CLIC5: variants seen among roughly 807,000 people sequenced by gnomAD.
The protein encoded by CLIC5 is chloride intracellular channel protein 5.
In CLIC5, 20 loss-of-function variants were observed where a neutral mutation model predicts 24.7. The observed-to-expected ratio is 0.81, with a 90% confidence interval of 0.57 to 1.18. The LOEUF is 1.18. Ranked by LOEUF, CLIC5 falls within the 50% of genes most tolerant of loss-of-function variation. CLIC5 has a pLI of 0.00. For synonymous variants in CLIC5, 159 were observed against 135.6 expected (o/e 1.17, Z -1.20); for missense variants, 341 against 326.1 (o/e 1.05, Z -0.35).
At chr6:46,024,290 G>A (rs1767268249) in intron 1 of CLIC5, among the ~76,000 whole-genome samples, 1 of 152,130 alleles carries the variant, frequency 6.6e-6, no homozygotes, top group South Asian at 2.1e-4. Context: ...AAAGCCTTAA[G>A]GATGGTCAGG....
intron 1 of CLIC5, among the ~76,000 whole-genome samples, chr6:45,974,177 A>C (rs1765299228): frequency 6.6e-6 from 1 of 151,920 alleles, no homozygotes; most frequent in African/African-American, 2.4e-5. Flanking sequence ...TTTTATATAT[A>C]AAACCACCAG....
intron 1 of CLIC5, among the ~76,000 whole-genome samples, chr6:46,041,788 T>TA (rs1226658475): frequency 1.8e-4 from 27 of 152,324 alleles, no homozygotes; most frequent in African/African-American, 6.3e-4. Context: ...CAATAGCAAC[T>TA]AACTTGTTGG....
the CLIC5 span, among the ~76,000 whole-genome samples, chr6:46,098,496 A>G: frequency 6.6e-6 from 1 of 152,232 alleles, no homozygotes; most frequent in Non-Finnish European, 1.5e-5. Context: ...CTTAGGGCAG[A>G]CAACAAAATA....
At chr6:45,938,129 A>G (rs1764004028) in intron 4 of CLIC5, among the ~76,000 whole-genome samples, 1 of 152,198 alleles carries the variant, frequency 6.6e-6, no homozygotes, top group African/African-American at 2.4e-5. Context: ...AGAGGGAAAA[A>G]AATGGCAAAG....
chr6:46,015,733 T>A lies in CLIC5; in HGVS notation c.-191A>T. 1 of 1,240,594 alleles carries A rather than the reference T, an allele frequency of 8.1e-7. No individual in the cohort carries two copies. The highest frequency in any genetic ancestry group is 1.0e-6 in the Non-Finnish European group (1 of 991,994). 76.8% of individuals were successfully genotyped at this position (1,240,594 alleles called of 1,614,324 possible). ...GAGATCAGTGTCCCAGATGCTCACATGAAAAGGAGCGAAGCCGGGAGGAGG... is the reference window on the plus strand; with the variant it reads ...GAGATCAGTGTCCCAGATGCTCACAAGAAAAGGAGCGAAGCCGGGAGGAGG... On this transcript the variant is annotated 5_prime_UTR_variant, in exon 1 of 6. An upstream start codon of the reference 5' UTR is lost. Transcript: ENST00000339561.
chr6:45,905,240 T>C (rs1412496949), intron 5 of CLIC5, among the ~76,000 whole-genome samples: 4 of 152,254 alleles, frequency 2.6e-5, no homozygotes, highest in Non-Finnish European at 5.9e-5. Context: ...TTTGGATATA[T>C]AACCAGTAAT....
upstream of CLIC5, among the ~76,000 whole-genome samples, chr6:46,020,298 G>A (rs1767140089): frequency 6.6e-6 from 1 of 152,074 alleles, no homozygotes; most frequent in Non-Finnish European, 1.5e-5. Flanking sequence ...CAGTTATTTG[G>A]AAATTAAGCA....
chr6:45,914,621 A>G, intron 4 of CLIC5: 1 of 916,032 alleles, frequency 1.1e-6, no homozygotes, highest in Non-Finnish European at 1.4e-6. Flanking sequence ...CAAACAATAA[A>G]CACTAGCTAA....
In CLIC5 at chr6:45,940,804, G is replaced by A. The variant is rs1282063480; in HGVS notation, c.406+743C>T. Among the ~76,000 whole-genome samples the A allele has an allele frequency of 5.3e-5, 8 of 152,298 alleles. No homozygotes were observed. The South Asian group carries it at 1.0e-3, about 20-fold the overall frequency. ...GCCTGTTCCTCCTGGGCCTAACACC[G>A]TTCTTCAAGTGTTATACCTGCTTAA... On this transcript the variant is annotated intron_variant, in intron 4 of 5. Coordinates refer to ENST00000339561, the MANE Select transcript of CLIC5 (RefSeq NM_016929.5).
chr6:45,906,114 C>A (rs140210122), intron 5 of CLIC5, among the ~76,000 whole-genome samples: 1 of 152,206 alleles, frequency 6.6e-6, no homozygotes, highest in African/African-American at 2.4e-5. Flanking sequence ...GTTACTGTAG[C>A]CTTATAGTGC....
rs111401736 is a variant in CLIC5 at position 46,071,654 on chromosome 6, C to T, written c.540+8049G>A. On this transcript the variant is annotated intron_variant, in intron 1 of 5. Coordinates refer to the CLIC5 transcript ENST00000185206. ...TTGATTAGAGTGTAAGTTAGTTCAGCCTTTGTGGAAAGCAGTGTGGTGGTG... is the reference window on the plus strand; with the variant it reads ...TTGATTAGAGTGTAAGTTAGTTCAGTCTTTGTGGAAAGCAGTGTGGTGGTG... 1.4e-4 allele frequency among the ~76,000 whole-genome samples: 22 copies of T among 152,174 alleles called. No homozygotes were observed. In the Middle Eastern group the frequency reaches 0.01, roughly 71 times the overall value.
chr6:46,069,839 C>A (rs1229270785), intron 1 of CLIC5, among the ~76,000 whole-genome samples: 1 of 152,166 alleles, frequency 6.6e-6, no homozygotes, highest in African/African-American at 2.4e-5. Flanking sequence ...TACTGGCAAA[C>A]TGAATTCAGC....
intron 4 of CLIC5, among the ~76,000 whole-genome samples, chr6:45,936,133 T>A (rs929801628): frequency 6.6e-6 from 1 of 151,198 alleles, no homozygotes; most frequent in Non-Finnish European, 1.5e-5. Flanking sequence ...TGCATTTTTA[T>A]ACCAGAACTC....
intron 5 of CLIC5, among the ~76,000 whole-genome samples, chr6:45,907,114 A>T (rs1762682780): frequency 1.3e-5 from 2 of 152,034 alleles, no homozygotes; most frequent in African/African-American, 4.8e-5. Flanking sequence ...TTTCAAGGGG[A>T]ATTATCCCAG....
At chr6:46,074,200 A>T (rs181129226) in intron 1 of CLIC5, among the ~76,000 whole-genome samples, 4 of 152,372 alleles carry the variant, frequency 2.6e-5, no homozygotes, top group Admixed American at 2.6e-4. Context: ...CACTGTGCTC[A>T]TTGTAAAATA....
intron 1 of CLIC5, among the ~76,000 whole-genome samples, chr6:46,039,711 C>T (rs904790974): frequency 1.1e-4 from 16 of 152,062 alleles, no homozygotes; most frequent in African/African-American, 3.9e-4. Flanking sequence ...AAAAAGGAAG[C>T]TCTACTCTTA....
chr6:46,126,116 G>GA, the CLIC5 span, among the ~76,000 whole-genome samples: 2,192 of 152,224 alleles, frequency 0.014, 67 homozygotes, highest in African/African-American at 0.051. Flanking sequence ...GACAAACCAA[G>GA]ATAGCTGGCA....
intron 6 of CLIC5, among the ~76,000 whole-genome samples, chr6:45,886,241 G>A (rs1223698220): frequency 6.6e-6 from 1 of 152,168 alleles, no homozygotes; most frequent in Admixed American, 6.5e-5. Flanking sequence ...ACTCCCCAGG[G>A]TGCAGCCCCA....
exon 7 of CLIC5, chr6:45,881,071 CA>C (rs1427767258): frequency 2.5e-6 from 1 of 398,132 alleles, no homozygotes; most frequent in Non-Finnish European, 4.4e-6. Context: ...ATGAGTTCCA[CA>C]TTTAGAAATT....
Sources: allele counts gnomAD v4.1 joint callset (sites outside exome capture counted in the v4.1 genomes callset), GRCh38; gene constraint gnomAD v4.1.1; transcripts MANE v1.5; gene names NCBI Gene and HGNC (gene_info 2026-07-23, HGNC 2026-07-21).